ZNF768: variants seen among roughly 807,000 people sequenced by gnomAD.
ZNF768 encodes zinc finger protein 768.
Under a neutral mutation model 39.7 loss-of-function variants are expected in ZNF768, and 12 were observed. The observed-to-expected ratio is 0.30, with a 90% confidence interval of 0.19 to 0.49. The LOEUF is 0.49. Ranked by LOEUF, ZNF768 falls within the 20% of genes least tolerant of loss-of-function variation. The pLI is 0.99. For missense variants in ZNF768, 613 were observed against 723.2 expected (o/e 0.85, Z 1.75); for synonymous variants, 360 against 288.4 (o/e 1.25, Z -2.52).
upstream of ZNF768, among the ~76,000 whole-genome samples, chr16:30,530,111 G>A (rs1252442257): frequency 6.6e-6 from 1 of 152,106 alleles, no homozygotes; most frequent in Non-Finnish European, 1.5e-5. This position sits in a 1 kb window ranked among gnomAD's most constrained non-coding sequence, Gnocchi z 4.4. Context: ...TTACAGGTGT[G>A]AGCCACCACG....
chr16:30,524,571 G>A lies in ZNF768; in HGVS notation c.1569C>T (p.Ser523=). 3 of 1,612,360 alleles carry A rather than the reference G, an allele frequency of 1.9e-6. No individual in the cohort carries two copies. The highest frequency in any genetic ancestry group is 2.5e-6 in the Non-Finnish European group (3 of 1,179,914). ...GGTGGCGGATGAGGTCGGAGCTCTGGGAGAAGGCCTTTCCGCAGTCATCGC... is the reference window on the plus strand; with the variant it reads ...GGTGGCGGATGAGGTCGGAGCTCTGAGAGAAGGCCTTTCCGCAGTCATCGC... The part of the protein sequence containing the change: ...YKCDDCGKAF[S]QSSDLIRHQR... The change falls in exon 2 of 2, where the codon TCC becomes TCT. Residue 523 remains serine, a synonymous_variant. Transcript: ENST00000380412.
At chr16:30,526,859 G>A (rs2051333038), upstream of ZNF768, 4 of 972,868 alleles carry the variant, frequency 4.1e-6, no homozygotes, top group African/African-American at 5.6e-5. Flanking sequence ...GGCTCGCGCC[G>A]CGGCCTCTCT....
rs3751848 is a variant in ZNF768 at position 30,524,678 on chromosome 16, C to A, written c.1462G>T (p.Ala488Ser). Residue 488 changes from alanine to serine, a missense_variant, in exon 2 of 2, where the codon GCC (alanine) becomes TCC (serine). By Grantham distance (99) the Ala-to-Ser change is moderately conservative. Transcript: ENST00000380412. ...SHTGERPYRC[A>S]VCGKGFCRSS... Reference sequence around the variant, plus strand: ...CGGCAGAAGCCCTTGCCGCACACGGCGCACCTGTAGGGCCGCTCGCCCGTG... The same window carrying A: ...CGGCAGAAGCCCTTGCCGCACACGGAGCACCTGTAGGGCCGCTCGCCCGTG... The A allele has an allele frequency of 1.9e-4, 308 of 1,612,782 alleles. 1 individual carries two copies. In the East Asian group the frequency reaches 6.8e-3, roughly 36 times the overall value.
At chr16:30,529,381 G>A (rs529078181), upstream of ZNF768, among the ~76,000 whole-genome samples, 1 of 152,244 alleles carries the variant, frequency 6.6e-6, no homozygotes, top group Non-Finnish European at 1.5e-5. Flanking sequence ...CTAGGGCAGA[G>A]CCATTCAGTG....
rs374901904 is a variant in ZNF768 at position 30,526,287 on chromosome 16, C to T, written c.88+39G>A. The T allele has an allele frequency of 2.5e-6, 4 of 1,607,366 alleles. No homozygotes were observed. In the African/African-American group the frequency reaches 4.0e-5, roughly 16 times the overall value. Reference sequence around the variant, plus strand: ...CCTGGAGCCACAGCCCCTTCTCCTGCGCGCAAGTCCACTCCTCGGACGGGC... The same window carrying T: ...CCTGGAGCCACAGCCCCTTCTCCTGTGCGCAAGTCCACTCCTCGGACGGGC... On this transcript the variant is annotated intron_variant, in intron 1 of 1. Coordinates refer to ENST00000380412, the MANE Select transcript of ZNF768 (RefSeq NM_024671.4).
upstream of ZNF768, chr16:30,530,470 G>T (rs1365855153): frequency 6.6e-6 from 1 of 152,252 alleles, no homozygotes; most frequent in Non-Finnish European, 1.5e-5. The surrounding 1 kb of genome is among the most constrained non-coding windows in gnomAD (Gnocchi z 4.4). Context: ...CTTTCCCCAG[G>T]CTGTGTTGAG....
upstream of ZNF768, chr16:30,531,200 A>C (rs2051368730): frequency 1.3e-5 from 2 of 152,248 alleles, no homozygotes; most frequent in South Asian, 4.1e-4. Context: ...AGCCATGATG[A>C]ATGGCTACTC....
At chr16:30,530,061 C>G (rs945916824), upstream of ZNF768, among the ~76,000 whole-genome samples, 2 of 151,984 alleles carry the variant, frequency 1.3e-5, no homozygotes, top group African/African-American at 4.8e-5. This position sits in a 1 kb window ranked among gnomAD's most constrained non-coding sequence, Gnocchi z 4.4. Context: ...GGTCTCCTGA[C>G]CTTGCGATCC....
At chr16:30,526,759 C>CCGG, upstream of ZNF768, 3 of 756,952 alleles carry the variant, frequency 4.0e-6, no homozygotes, top group Non-Finnish European at 3.2e-6. Context: ...ACCCCGGCCC[C>CCGG]GGGCTGGGCT....
upstream of ZNF768, among the ~76,000 whole-genome samples, chr16:30,529,984 A>G (rs568825195): frequency 6.6e-6 from 1 of 151,866 alleles, no homozygotes; most frequent in Non-Finnish European, 1.5e-5. Context: ...CCACCATGTC[A>G]GGCTAATTTT....
rs536261342 is a variant in ZNF768 at position 30,524,382 on chromosome 16, C to T, written c.*135G>A. The T allele has an allele frequency of 1.6e-4, 217 of 1,387,604 alleles. 1 individual carries two copies. In the Middle Eastern group the frequency reaches 1.8e-3, roughly 12 times the overall value. 86.0% of individuals were successfully genotyped at this position (1,387,604 alleles called of 1,614,324 possible). A position where few individuals can be genotyped will look rare whatever the true frequency, so the allele number is the denominator to read the frequency against. On this transcript the variant is annotated 3_prime_UTR_variant, in exon 2 of 2. Coordinates refer to ENST00000380412, the MANE Select transcript of ZNF768 (RefSeq NM_024671.4). ...TCTCCAGGGCATGTCACTTCCTCCA[C>T]CCTGGTTCTCTTCTTCCAGCATCCT...
Position 30,525,242 on chromosome 16 carries a change from G to A in ZNF768, c.898C>T (p.Gln300Ter). The A allele has an allele frequency of 6.2e-7, 1 of 1,614,182 alleles. No individual in the cohort carries two copies. The highest frequency in any genetic ancestry group is 8.5e-7 in the Non-Finnish European group (1 of 1,180,022). ...TGGTGTTTGATGAGGTCAGAGCTCT[G>A]GGAGAAGGCCTTGCTGCAGACCTCA... ...KCEVCSKAFS[Q>*]SSDLIKHQRT... The change falls in exon 2 of 2, where the codon CAG becomes TAG. Residue 300 changes from glutamine (Q) to a stop codon, truncating the protein, a stop_gained. Transcript: ENST00000380412. LOFTEE classifies it high-confidence loss of function.
In ZNF768 at chr16:30,524,194, A is replaced by G; in HGVS notation, c.*323T>C. The G allele has an allele frequency of 3.2e-6, 1 of 308,922 alleles. No individual in the cohort carries two copies. The highest frequency in any genetic ancestry group is 4.8e-5 in the South Asian group (1 of 20,960). 19.1% of individuals were successfully genotyped at this position (308,922 alleles called of 1,614,324 possible). A position where few individuals can be genotyped will look rare whatever the true frequency, so the allele number is the denominator to read the frequency against. ...CTACCAATCTAAGCTAACCCACTCT[A>G]ATTAGGTAATCCCCTGCCCTCCCCC... On this transcript the variant is annotated 3_prime_UTR_variant, in exon 2 of 2. Transcript: ENST00000380412.
rs2051311100 is a variant in ZNF768, at chr16:30,525,297, G to A, written c.843C>T (p.Arg281=). ...GRGSTLIQHQ[R]IHTGEKPYKC... is the part of the protein sequence containing the mutation. ...TGTAGGGCTTCTCACCGGTGTGGAT[G>A]CGCTGGTGCTGGATCAGGGTGGAGC... Residue 281 remains arginine (R), a synonymous_variant, in exon 2 of 2, where the codon CGC becomes CGT. Transcript: ENST00000380412. 6.2e-7 allele frequency: 1 copy of A among 1,614,098 alleles called. No homozygotes were observed. The highest frequency in any genetic ancestry group is 8.5e-7 in the Non-Finnish European group (1 of 1,180,036).
upstream of ZNF768, chr16:30,526,681 G>T: frequency 1.1e-6 from 1 of 940,992 alleles, no homozygotes; most frequent in Non-Finnish European, 1.3e-6. Flanking sequence ...CGGCCTCGGG[G>T]ATGAGGGGCT....
In ZNF768 at chr16:30,524,985, G is replaced by A. The variant is rs773089026; in HGVS notation, c.1155C>T (p.Asn385=). The A allele has an allele frequency of 1.2e-6, 2 of 1,613,812 alleles. No individual in the cohort carries two copies. Among genetic ancestry groups the A allele is most frequent in the Non-Finnish European group, 1.7e-6 (2 of 1,179,970 alleles). The part of the protein sequence containing the change: ...CTECGKCYSQ[N]SSLRSHQRVH... The stretch of plus-strand genomic sequence containing the variant: ...CCCTCTGATGGCTGCGCAGGGACGA[G>A]TTCTGGCTATAGCACTTGCCGCACT... The change falls in exon 2 of 2, where the codon AAC becomes AAT. Residue 385 remains asparagine (N), a synonymous_variant. Coordinates refer to ENST00000380412, the MANE Select transcript of ZNF768 (RefSeq NM_024671.4).
upstream of ZNF768, chr16:30,527,257 C>T (rs956557755): frequency 1.3e-5 from 13 of 986,024 alleles, no homozygotes; most frequent in African/African-American, 3.5e-5. Flanking sequence ...GAACTCCGCT[C>T]CCCGGCACCT....
upstream of ZNF768, chr16:30,526,845 C>A (rs905385257): frequency 1.3e-5 from 13 of 984,608 alleles, no homozygotes; most frequent in African/African-American, 7.0e-5. Context: ...CAGGTCCCCC[C>A]GCCGGCTCGC....
At chr16:30,532,325 G>C in the ZNF768 span, 2 of 739,728 alleles carry the variant, frequency 2.7e-6, no homozygotes, top group Admixed American at 2.6e-5. Flanking sequence ...CCAGGGCAGC[G>C]GGGAGCAAGG....
Sources: gnomAD v4.1 joint callset for allele counts (sites outside exome capture counted in the v4.1 genomes callset) on GRCh38, gnomAD v4.1.1 for gene constraint, Gnocchi (gnomAD v3.1) non-coding constraint, MANE v1.5 for transcripts, NCBI Gene and HGNC (gene_info 2026-07-23, HGNC 2026-07-21) for gene names.